The following SYNE2 variants were observed in gnomAD, a reference collection of about 807,000 sequenced individuals.
The protein encoded by SYNE2 is spectrin repeat containing nuclear envelope protein 2, also known as nesprin-2.
In SYNE2, 431 loss-of-function variants were observed where a neutral mutation model predicts 856.3. The observed-to-expected ratio is 0.50, with a 90% CI of 0.47 to 0.55. SYNE2 has a LOEUF of 0.55. Ranked by LOEUF, SYNE2 falls within the 20% of genes least tolerant of loss-of-function variation. The probability of loss-of-function intolerance (pLI) is 0.00; values close to 1 mark genes in which losing one functional copy is unlikely to be tolerated. For synonymous variants in SYNE2, 2,923 were observed against 2,872.3 expected (o/e 1.02, Z -0.56); for missense variants, 8,129 against 8,023.2 (o/e 1.01, Z -0.50).
At chr14:64,149,534 T>C (rs2098220899) in intron 84 of SYNE2, among the ~76,000 whole-genome samples, 1 of 152,194 alleles carries the variant, frequency 6.6e-6, no homozygotes, top group African/African-American at 2.4e-5. Flanking sequence ...TGACATATTA[T>C]AATTATCAAG....
intron 93 of SYNE2, 48 bp from the exon 94 acceptor site, chr14:64,170,180 T>C (rs1302923030): frequency 5.7e-6 from 9 of 1,584,622 alleles, no homozygotes; most frequent in Non-Finnish European, 8.7e-7. Context: ...ATAGTTATTT[T>C]TTCTACATGT....
At chr14:64,120,034 G>C (rs1026723904) in intron 67 of SYNE2, among the ~76,000 whole-genome samples, 1 of 152,168 alleles carries the variant, frequency 6.6e-6, no homozygotes, top group Non-Finnish European at 1.5e-5. Flanking sequence ...TCATTTGCAA[G>C]TATTTATATA....
At chr14:63,845,094 C>G (rs1890184552) in intron 1 of SYNE2, among the ~76,000 whole-genome samples, 1 of 152,016 alleles carries the variant, frequency 6.6e-6, no homozygotes, top group African/African-American at 2.4e-5. Context: ...TTAATTTTGG[C>G]ATATTGCAAG....
intron 1 of SYNE2, among the ~76,000 whole-genome samples, chr14:63,906,811 A>G (rs994640264): frequency 1.3e-5 from 2 of 152,240 alleles, no homozygotes; most frequent in African/African-American, 4.8e-5. Context: ...ACAAAATACC[A>G]TAAAATGGGT....
intron 1 of SYNE2, among the ~76,000 whole-genome samples, chr14:63,805,970 A>G (rs1888346457): frequency 6.6e-6 from 1 of 152,004 alleles, no homozygotes; most frequent in Non-Finnish European, 1.5e-5. Flanking sequence ...GGTACCTTTT[A>G]TTTCTTTCTC....
At chr14:63,932,495 C>A (rs1338682456) in intron 2 of SYNE2, among the ~76,000 whole-genome samples, 3 of 151,446 alleles carry the variant, frequency 2.0e-5, no homozygotes, top group African/African-American at 7.3e-5. Context: ...TCGCCTGAGC[C>A]CAGGAGTTCA....
At chr14:63,986,845 G>C (rs2096629476) in intron 19 of SYNE2, among the ~76,000 whole-genome samples, 1 of 152,046 alleles carries the variant, frequency 6.6e-6, no homozygotes, top group African/African-American at 2.4e-5. Context: ...TTAAGCTCTT[G>C]GACTTATTTT....
At chr14:64,207,642 A>T (rs2098613418) in intron 100 of SYNE2, among the ~76,000 whole-genome samples, 2 of 152,084 alleles carry the variant, frequency 1.3e-5, no homozygotes, top group Admixed American at 1.3e-4. Flanking sequence ...CCTGGAATGA[A>T]GCTTATATTG....
In SYNE2 at chr14:64,137,981, C is replaced by T. The variant is rs1443322066; in HGVS notation, c.14841C>T (p.Leu4947=). 6.2e-7 allele frequency: 1 copy of T among 1,613,010 alleles called. No individual in the cohort carries two copies. Among genetic ancestry groups the T allele is most frequent in the Non-Finnish European group, 8.5e-7 (1 of 1,179,542 alleles). The change falls in exon 79 of 116, where the codon CTC becomes CTT. Residue 4947 remains leucine (L), a splice_region_variant and synonymous_variant. Transcript: ENST00000555002. ...HRLQALLKHL[L]SYNRDSDQLT... ...TGCAAGCTCTTCTCAAGCATCTGCT[C>T]AGGTCAGCCTTTTTGGGGGTGGATT...
chr14:64,047,667 G>T (rs1192938735), intron 45 of SYNE2, among the ~76,000 whole-genome samples: 1 of 152,150 alleles, frequency 6.6e-6, no homozygotes, highest in East Asian at 1.9e-4. Context: ...CCTATTATTT[G>T]CCCTGCCCAC....
intron 108 of SYNE2, 68 bp downstream of exon 108, chr14:64,216,455 A>T (rs951504588): frequency 3.8e-6 from 6 of 1,570,108 alleles, no homozygotes; most frequent in Non-Finnish European, 5.3e-6. Context: ...CAAGAGAGAG[A>T]GATTTTGGTG....
rs1317229037 is a variant in SYNE2 at position 63,853,015 on chromosome 14, G to C, written c.-180G>C. ...AGCGGAGCGCGCTCAGCTGCGCCCA[G>C]AGCCTTCGGCCGGACCTGAAAAAGC... On this transcript the variant is annotated 5_prime_UTR_variant, in exon 1 of 116. Transcript: ENST00000555002. 6.6e-6 allele frequency: 1 copy of C among 151,742 alleles called. No homozygotes were observed. The highest frequency in any genetic ancestry group is 1.5e-5 in the Non-Finnish European group (1 of 67,882). The allele number at this position is 151,742 out of a possible 1,614,324, so 9.4% of individuals were successfully genotyped here. A position where few individuals can be genotyped will look rare whatever the true frequency, so the allele number is the denominator to read the frequency against.
chr14:64,047,598 C>T (rs188965310), intron 45 of SYNE2, among the ~76,000 whole-genome samples: 19 of 152,284 alleles, frequency 1.2e-4, no homozygotes, highest in Non-Finnish European at 2.4e-4. Flanking sequence ...TATCACAAAT[C>T]CTTGGTGTTA....
chr14:64,213,522 C>A (rs2098652044), intron 105 of SYNE2, among the ~76,000 whole-genome samples: 1 of 152,166 alleles, frequency 6.6e-6, no homozygotes, highest in Admixed American at 6.5e-5. Flanking sequence ...GGCCACTGTT[C>A]AAAGCGTACT....
Position 64,225,836 on chromosome 14 carries a change from T to TAAAACAGCATTATTATAATGTAGGTA in SYNE2, c.*311_*336dup. 1 of 585,968 alleles carries TAAAACAGCATTATTATAATGTAGGTA rather than the reference T, an allele frequency of 1.7e-6. No homozygotes were observed. The highest frequency in any genetic ancestry group is 3.0e-6 in the Non-Finnish European group (1 of 328,706). The allele number at this position is 585,968 out of a possible 1,614,324, so 36.3% of individuals were successfully genotyped here. A position where few individuals can be genotyped will look rare whatever the true frequency, so the allele number is the denominator to read the frequency against. On this transcript the variant is annotated 3_prime_UTR_variant, in exon 116 of 116. Transcript: ENST00000555002. The stretch of plus-strand genomic sequence containing the variant: ...CACTTTGTGAATTCTGGTTTGTTTG[T>TAAAACAGCATTATTATAATGTAGGTA]AAAACAGCATTATTATAATGTAGGT...
At chr14:63,850,151 G>A (rs545180999), upstream of SYNE2, among the ~76,000 whole-genome samples, 87 of 148,550 alleles carry the variant, frequency 5.9e-4, no homozygotes, top group Admixed American at 2.5e-3. Context: ...GCATGATCTC[G>A]GCTTACTGCA....
chr14:64,145,553 G>T (rs1163791934), intron 83 of SYNE2, among the ~76,000 whole-genome samples: 1 of 150,352 alleles, frequency 6.7e-6, no homozygotes, highest in African/African-American at 2.4e-5. Flanking sequence ...TAGTTATAAT[G>T]TATGTAAAAA....
At chr14:64,025,447 G>A in intron 41 of SYNE2, 26 bp downstream of exon 41, 2 of 1,603,918 alleles carry the variant, frequency 1.2e-6, no homozygotes, top group Non-Finnish European at 1.7e-6. Flanking sequence ...CTAAATTTCA[G>A]AAGTCTGAGT....
At chr14:63,818,772 C>T (rs1889105207) in intron 1 of SYNE2, among the ~76,000 whole-genome samples, 1 of 147,430 alleles carries the variant, frequency 6.8e-6, no homozygotes, top group Non-Finnish European at 1.5e-5. Context: ...GATCTCGGCT[C>T]ACTGCAAGCT....
Sources: allele counts gnomAD v4.1 joint callset (sites outside exome capture counted in the v4.1 genomes callset), GRCh38; gene constraint gnomAD v4.1.1; transcripts MANE v1.5; gene names NCBI Gene and HGNC (gene_info 2026-07-23, HGNC 2026-07-21).